COQ7: variants seen among roughly 807,000 people sequenced by gnomAD.
COQ7 encodes NADPH-dependent 3-demethoxyubiquinone 3-hydroxylase, mitochondrial.
Under a neutral mutation model 25.0 loss-of-function variants are expected in COQ7, and 21 were observed. The ratio of observed to expected loss-of-function variants is 0.84; its 90% CI spans 0.60 to 1.21. COQ7 has a LOEUF of 1.21. Among genes scored for constraint, COQ7 ranks in the 50% most tolerant of loss-of-function variants. The pLI is 0.00. For synonymous variants in COQ7, 125 were observed against 112.4 expected (o/e 1.11, Z -0.71); for missense variants, 311 against 296.2 (o/e 1.05, Z -0.37).
chr16:19,070,351 C>T (rs1452589116), intron 1 of COQ7, among the ~76,000 whole-genome samples: 1 of 152,202 alleles, frequency 6.6e-6, no homozygotes, highest in Non-Finnish European at 1.5e-5. Flanking sequence ...TCCACATATT[C>T]GCTGGCTGTT....
At chr16:19,072,148 G>T in intron 2 of COQ7, 42 bp downstream of exon 2, 2 of 1,609,960 alleles carry the variant, frequency 1.2e-6, no homozygotes, top group South Asian at 1.1e-5. Context: ...CTACTGAATG[G>T]GCAGATCCAA....
chr16:19,074,062 G>T, intron 3 of COQ7, 27 bp downstream of exon 3: 1 of 1,534,508 alleles, frequency 6.5e-7, no homozygotes, highest in Non-Finnish European at 9.0e-7. Context: ...AAGAGCTTAT[G>T]CAAGCTTGGG....
Position 19,071,976 on chromosome 16 carries a change from T to C in COQ7, c.122T>C (p.Leu41Ser), listed in dbSNP as rs1962579871. The part of the protein sequence containing the change: ...SVRFRSSGMT[L>S]DNISRAAVDR... ...AGATTTCGCAGTTCAGGAATGACTTTAGACAATATCAGTCGGGCAGCTGTG... is the reference window on the plus strand; with the variant it reads ...AGATTTCGCAGTTCAGGAATGACTTCAGACAATATCAGTCGGGCAGCTGTG... Residue 41 changes from leucine (L) to serine (S), a missense_variant, in exon 2 of 6, where the codon TTA becomes TCA. By Grantham distance (145) the Leu-to-Ser change is moderately radical. Coordinates refer to ENST00000321998, the MANE Select transcript of COQ7 (RefSeq NM_016138.5). The C allele has an allele frequency of 7.4e-6, 12 of 1,614,228 alleles. No individual in the cohort carries two copies. The highest frequency in any genetic ancestry group is 1.1e-5 in the South Asian group (1 of 91,086).
chr16:19,072,258 A>C (rs1962602273), intron 2 of COQ7, 152 bp downstream of exon 2: 2 of 814,042 alleles, frequency 2.5e-6, no homozygotes, highest in Non-Finnish European at 3.8e-6. Flanking sequence ...GATGGGGAGC[A>C]AAAAGCATAT....
chr16:19,071,344 G>C (rs752762636), intron 1 of COQ7, among the ~76,000 whole-genome samples: 1 of 152,144 alleles, frequency 6.6e-6, no homozygotes, highest in East Asian at 1.9e-4. Flanking sequence ...CCATGTTGGC[G>C]AGGCTGGTCT....
chr16:19,072,323 G>A (rs1191078794), intron 2 of COQ7: 9 of 572,576 alleles, frequency 1.6e-5, no homozygotes, highest in Non-Finnish European at 2.8e-5. Flanking sequence ...ACAGGTATGC[G>A]GTATATCTTT....
downstream of COQ7, among the ~76,000 whole-genome samples, chr16:19,081,646 T>C (rs1963101356): frequency 6.6e-6 from 1 of 152,226 alleles, no homozygotes; most frequent in Non-Finnish European, 1.5e-5. Flanking sequence ...TTTAAAAGCA[T>C]ATGTGAAAAA....
chr16:19,067,633 C>T lies in COQ7; in HGVS notation c.-32C>T, dbSNP rs1962283981. Reference sequence around the variant, plus strand: ...AAGGGCACTATTGGCCAGTTCCGTTCAACGAAGTGGTTGCTTTTTTTAGTT... The same window carrying T: ...AAGGGCACTATTGGCCAGTTCCGTTTAACGAAGTGGTTGCTTTTTTTAGTT... On this transcript the variant is annotated 5_prime_UTR_variant, in exon 1 of 6. Transcript: ENST00000321998. 3.1e-6 allele frequency: 5 copies of T among 1,613,374 alleles called. No individual in the cohort carries two copies. Among genetic ancestry groups the T allele is most frequent in the Non-Finnish European group, 8.5e-7 (1 of 1,179,512 alleles).
At chr16:19,081,734 A>G, downstream of COQ7, among the ~76,000 whole-genome samples, 1 of 152,226 alleles carries the variant, frequency 6.6e-6, no homozygotes, top group East Asian at 1.9e-4. Flanking sequence ...CAATCCTATT[A>G]TGATTTGTTT....
chr16:19,068,777 G>A (rs1365295597), intron 1 of COQ7: 1 of 371,754 alleles, frequency 2.7e-6, no homozygotes, highest in African/African-American at 2.1e-5. Flanking sequence ...ATTACTAGAT[G>A]TGTTTTTTTG....
rs1962696410 is a variant in COQ7, at chr16:19,073,946, A to G, written c.278A>G (p.His93Arg). 6.2e-7 allele frequency: 1 copy of G among 1,613,922 alleles called. No individual in the cohort carries two copies. Among genetic ancestry groups the G allele is most frequent in the African/African-American group, 1.3e-5 (1 of 74,998 alleles). Residue 93 changes from histidine (H) to arginine (R), a missense_variant, in exon 3 of 6, where the codon CAT becomes CGT. Coordinates refer to ENST00000321998, the MANE Select transcript of COQ7 (RefSeq NM_016138.5). The part of the protein sequence containing the change: ...IQKMWDQEKD[H>R]LKKFNELMVT... ...AAAATGTGGGATCAAGAAAAGGACC[A>G]TTTGAAAAAGTTCAATGAGTTGATG...
intron 1 of COQ7, among the ~76,000 whole-genome samples, chr16:19,070,400 A>T (rs1396811667): frequency 6.6e-6 from 1 of 152,234 alleles, no homozygotes; most frequent in African/African-American, 2.4e-5. Flanking sequence ...CATAAAAGAC[A>T]TGGTAGTCAC....
downstream of COQ7, among the ~76,000 whole-genome samples, chr16:19,082,408 A>G (rs1007095683): frequency 3.9e-5 from 6 of 152,072 alleles, no homozygotes; most frequent in African/African-American, 1.4e-4. Flanking sequence ...AGGTGGAAGG[A>G]TCGCTTGAGT....
chr16:19,075,335 TG>T (rs1343644605), intron 3 of COQ7, among the ~76,000 whole-genome samples: 1 of 151,876 alleles, frequency 6.6e-6, no homozygotes, highest in Non-Finnish European at 1.5e-5. Flanking sequence ...CCCAAGTAGC[TG>T]GGATTACAGG....
chr16:19,073,192 C>T (rs760995159), intron 2 of COQ7, among the ~76,000 whole-genome samples: 4 of 152,074 alleles, frequency 2.6e-5, no homozygotes, highest in Non-Finnish European at 5.9e-5. Flanking sequence ...GCCTGTAGTC[C>T]CAGCTGCTTG....
chr16:19,075,755 C>G lies in COQ7; in HGVS notation c.402C>G (p.Ala134=), dbSNP rs1962800640. The change falls in exon 4 of 6, where the codon GCC becomes GCG. Residue 134 remains alanine (A), a synonymous_variant. Transcript: ENST00000321998. ...CCGCCTTGCTCGGGAAGGAAGGTGC[C>G]ATGGCCTGCACCGTGGCGGTGGAAG... The part of the protein sequence containing the change: ...AGTALLGKEG[A]MACTVAVEES... 6.2e-7 allele frequency: 1 copy of G among 1,601,360 alleles called. No individual in the cohort carries two copies. Among genetic ancestry groups the G allele is most frequent in the Non-Finnish European group, 8.5e-7 (1 of 1,174,560 alleles).
In COQ7 at chr16:19,078,107, C is replaced by T; in HGVS notation, c.603C>T (p.Ser201=). 1.9e-6 allele frequency: 3 copies of T among 1,612,178 alleles called. No homozygotes were observed. The highest frequency in any genetic ancestry group is 2.5e-6 in the Non-Finnish European group (3 of 1,179,162). ...CTCCAGCCTATGCCGTCCTGAAGAG[C>T]ATTATCCAGGCCGGATGCAGAGTGG... ...ELAPAYAVLK[S]IIQAGCRVAI... Residue 201 remains serine, a synonymous_variant, in exon 6 of 6, where the codon AGC becomes AGT. Transcript: ENST00000321998.
At position 19,067,658 on chromosome 16, in the gene COQ7, T is replaced by G. The variant is rs1567537680; in HGVS notation, c.-7T>G. ...CAACGAAGTGGTTGCTTTTTTTAGT[T>G]CCGGCAATGAGTTGCGCCGGGGCGG... is the stretch of plus-strand genomic sequence containing the variant. On this transcript the variant is annotated 5_prime_UTR_variant, in exon 1 of 6. Transcript: ENST00000321998. The G allele has an allele frequency of 1.2e-6, 2 of 1,613,458 alleles. No individual in the cohort carries two copies. The highest frequency in any genetic ancestry group is 3.3e-5 in the Admixed American group (2 of 59,956).
At chr16:19,075,581 C>G (rs1332906620) in intron 3 of COQ7, 140 bp from the exon 4 acceptor site, 4 of 827,828 alleles carry the variant, frequency 4.8e-6, no homozygotes, top group Non-Finnish European at 7.3e-6. Flanking sequence ...AATATCCCAC[C>G]ATGCATGGGA....
Sources: gnomAD v4.1 joint callset for allele counts (sites outside exome capture counted in the v4.1 genomes callset) on GRCh38, gnomAD v4.1.1 for gene constraint, MANE v1.5 for transcripts, NCBI Gene and HGNC (gene_info 2026-07-23, HGNC 2026-07-21) for gene names.